Variants in ADAMTS16 observed in about 807,000 individuals in gnomAD.
ADAMTS16 encodes the protein A disintegrin and metalloproteinase with thrombospondin motifs 16.
ADAMTS16 carries 94 observed loss-of-function variants against 145.8 expected under a neutral mutation model. That is an observed-to-expected ratio of 0.64 (90% CI 0.55 to 0.77). The LOEUF (loss-of-function observed/expected upper bound fraction) is 0.77. Among genes scored for constraint, ADAMTS16 ranks in the 30% least tolerant of loss-of-function variants. ADAMTS16 has a pLI of 0.00. For synonymous variants in ADAMTS16, 659 were observed against 604.3 expected, an observed-to-expected ratio of 1.09 and a Z score of -1.33; for missense variants, 1,585 against 1,591.5, an observed-to-expected ratio of 1.00 and a Z score of 0.07.
chr5:5,171,658 T>A lies in ADAMTS16; in HGVS notation c.502-10386T>A, dbSNP rs181840022. ...TGATGAATAATCTTTTTTGTCTTGT[T>A]GAATTTGGTTTGCTAATATTTTGTT... On this transcript the variant is annotated intron_variant, in intron 3 of 22. Coordinates refer to ENST00000274181, the MANE Select transcript of ADAMTS16 (RefSeq NM_139056.4). Among the ~76,000 whole-genome samples the A allele has an allele frequency of 3.0e-4, 46 of 152,316 alleles. 1 individual carries two copies. The highest frequency in any genetic ancestry group is 9.9e-4 in the African/African-American group (41 of 41,572).
chr5:5,191,822 C>T (rs370757539), intron 8 of ADAMTS16, 32 bp downstream of exon 8: 241 of 1,528,968 alleles, frequency 1.6e-4, no homozygotes, highest in Non-Finnish European at 2.0e-4. Context: ...GATGGCATCC[C>T]GAGTTTTTTC....
chr5:5,174,723 C>T (rs893483764), intron 3 of ADAMTS16, among the ~76,000 whole-genome samples: 7 of 152,190 alleles, frequency 4.6e-5, no homozygotes, highest in African/African-American at 9.7e-5. Context: ...ATAAATTCTG[C>T]TATTAAGATT....
chr5:5,207,725 A>G (rs879354229), intron 9 of ADAMTS16, among the ~76,000 whole-genome samples: 2 of 135,994 alleles, frequency 1.5e-5, no homozygotes, highest in Non-Finnish European at 3.2e-5. Flanking sequence ...TTTTTTTTTT[A>G]TCATGAATGA....
intron 2 of ADAMTS16, 73 bp from the exon 3 acceptor site, chr5:5,146,057 T>G: frequency 7.6e-7 from 1 of 1,322,722 alleles, no homozygotes. Flanking sequence ...AAAATAATAT[T>G]ATATCTTAAG....
At chr5:5,239,643 GA>G (rs752915509) in intron 15 of ADAMTS16, 37 bp from the exon 16 acceptor site, 1 of 1,604,778 alleles carries the variant, frequency 6.2e-7, no homozygotes, top group African/African-American at 1.3e-5. Context: ...CTGCTTTCTG[GA>G]ATGAAAAGCT....
Position 5,140,448 on chromosome 5 carries a change from G to C in ADAMTS16, c.-20G>C. The C allele has an allele frequency of 6.7e-7, 1 of 1,502,852 alleles. No homozygotes were observed. 93.1% of individuals were successfully genotyped at this position (1,502,852 alleles called of 1,614,324 possible). ...GCCGGGGACCCTCCGGTGGCCCCTA[G>C]CCCCTCGGAGCGCTCCTGGATGAAG... On this transcript the variant is annotated 5_prime_UTR_variant, in exon 1 of 23. Coordinates refer to ENST00000274181, the MANE Select transcript of ADAMTS16 (RefSeq NM_139056.4).
At chr5:5,164,506 GA>G (rs914409716) in intron 3 of ADAMTS16, among the ~76,000 whole-genome samples, 2 of 152,150 alleles carry the variant, frequency 1.3e-5, no homozygotes, top group Admixed American at 6.5e-5. Flanking sequence ...TGCACTGTTA[GA>G]CTGATTCTCT....
At chr5:5,171,573 T>C (rs781100204) in intron 3 of ADAMTS16, among the ~76,000 whole-genome samples, 4 of 152,210 alleles carry the variant, frequency 2.6e-5, no homozygotes, top group Non-Finnish European at 5.9e-5. Context: ...ATGTATCACA[T>C]TGATTGATTT....
intron 9 of ADAMTS16, 143 bp downstream of exon 9, chr5:5,200,412 C>T (rs12517751): frequency 0.13 from 142,066 of 1,107,958 alleles, 10,533 homozygotes; most frequent in African/African-American, 0.24. Context: ...TTCAGTTGAC[C>T]GAAGAGTTTG....
chr5:5,263,258 C>T lies in ADAMTS16; in HGVS notation c.2789+475C>T, dbSNP rs539221158. 1.8e-4 allele frequency among the ~76,000 whole-genome samples: 28 copies of T among 152,280 alleles called. No individual in the cohort carries two copies. The South Asian group carries it at 3.3e-3, about 18-fold the overall frequency. On this transcript the variant is annotated intron_variant, in intron 18 of 22. Coordinates refer to ENST00000274181, the MANE Select transcript of ADAMTS16 (RefSeq NM_139056.4). ...ACAGAAAGCCAGGGCTCTTGTCATC[C>T]ACTCTACCCTCACTGCTACTGCCCC...
Position 5,146,207 on chromosome 5 carries a change from CGGA to C in ADAMTS16, c.255_257del (p.Arg87del). On this transcript the variant is annotated inframe_deletion, in exon 3 of 23. Coordinates refer to ENST00000274181, the MANE Select transcript of ADAMTS16 (RefSeq NM_139056.4). ...CCATGAAATCATGCACCATCAGCGG[CGGA>C]GAAGAGCAGTGCCCGTGTCCGAGGT... 6.2e-7 allele frequency: 1 copy of C among 1,614,122 alleles called. No homozygotes were observed. Among genetic ancestry groups the C allele is most frequent in the Non-Finnish European group, 8.5e-7 (1 of 1,180,022 alleles).
rs1209618223 is a variant in ADAMTS16 at position 5,317,978 on chromosome 5, A to G, written c.3412-156A>G. ...GCAGGGACCGTGCTCACTCGCGCAC[A>G]TCGTGGCCAACCATAACTCCACCTG... On this transcript the variant is annotated intron_variant, in intron 21 of 22. Coordinates refer to ENST00000274181, the MANE Select transcript of ADAMTS16 (RefSeq NM_139056.4). The surrounding 1 kb of genome is among the most constrained non-coding windows in gnomAD (Gnocchi z 4.5). Among the ~76,000 whole-genome samples the G allele has an allele frequency of 6.6e-6, 1 of 152,216 alleles. No homozygotes were observed. The highest frequency in any genetic ancestry group is 2.4e-5 in the African/African-American group (1 of 41,460).
chr5:5,270,565 G>A (rs1340074291), intron 18 of ADAMTS16, among the ~76,000 whole-genome samples: 1 of 152,214 alleles, frequency 6.6e-6, no homozygotes, highest in Non-Finnish European at 1.5e-5. Flanking sequence ...TATGAATTTA[G>A]TCTATAAAGC....
chr5:5,240,002 C>A (rs1211453612), intron 16 of ADAMTS16, 77 bp downstream of exon 16: 13 of 1,553,370 alleles, frequency 8.4e-6, no homozygotes, highest in Middle Eastern at 2.0e-4. Flanking sequence ...TGGCTGTTGG[C>A]ATAATTTTAA....
chr5:5,194,582 C>T (rs887320030), intron 8 of ADAMTS16, among the ~76,000 whole-genome samples: 2 of 152,326 alleles, frequency 1.3e-5, no homozygotes, highest in South Asian at 4.1e-4. Context: ...GAATTGTTAG[C>T]TGTGACCACC....
intron 10 of ADAMTS16, among the ~76,000 whole-genome samples, chr5:5,217,303 T>G (rs1403179367): frequency 1.3e-5 from 2 of 151,948 alleles, no homozygotes; most frequent in African/African-American, 2.4e-5. Context: ...AAGGACTTCA[T>G]GTCTAAAACA....
At chr5:5,164,490 T>C (rs112899696) in intron 3 of ADAMTS16, among the ~76,000 whole-genome samples, 9 of 152,308 alleles carry the variant, frequency 5.9e-5, no homozygotes, top group African/African-American at 1.9e-4. Context: ...TTCTGAGTCT[T>C]TGTGCTGCAC....
intron 3 of ADAMTS16, among the ~76,000 whole-genome samples, chr5:5,167,788 T>G (rs2126536613): frequency 6.6e-6 from 1 of 152,374 alleles, no homozygotes. Flanking sequence ...GTCTGTGCTG[T>G]TCAGGGTAGT....
At chr5:5,197,453 G>C (rs900860479) in intron 8 of ADAMTS16, among the ~76,000 whole-genome samples, 1 of 152,208 alleles carries the variant, frequency 6.6e-6, no homozygotes, top group Non-Finnish European at 1.5e-5. Flanking sequence ...ATAGAAACCT[G>C]TTAGGTACTG....
Sources: gnomAD v4.1 joint callset for allele counts (sites outside exome capture counted in the v4.1 genomes callset) on GRCh38, gnomAD v4.1.1 for gene constraint, Gnocchi (gnomAD v3.1) non-coding constraint, MANE v1.5 for transcripts, NCBI Gene and HGNC (gene_info 2026-07-23, HGNC 2026-07-21) for gene names.